Variants in PUDP observed in about 807,000 individuals in gnomAD.
The protein encoded by PUDP is pseudouridine-5'-phosphatase.
A neutral mutation model predicts 9.4 loss-of-function variants in PUDP; 8 were observed. That is an observed-to-expected ratio of 0.85 (90% confidence interval 0.50 to 1.53). The LOEUF (loss-of-function observed/expected upper bound fraction) is 1.53. Among genes scored for constraint, PUDP ranks in the 40% most tolerant of loss-of-function variants. The probability of loss-of-function intolerance (pLI) is 0.00; values close to 1 mark genes in which losing one functional copy is unlikely to be tolerated. For synonymous variants in PUDP, 99 were observed against 80.7 expected (o/e 1.23, Z -1.22); for missense variants, 188 against 189.7 (o/e 0.99, Z 0.05).
chrX:6,838,176 C>T lies in PUDP; in HGVS notation c.*248-131710G>A, dbSNP rs147328815. ...GCTACATACAATATTCTTTCCAGAA[C>T]CTTTTAATTATTTGGAAAGAAAGTG... On this transcript the variant is annotated intron_variant and NMD_transcript_variant, in intron 3 of 3. Transcript: ENST00000655425. Among the ~76,000 whole-genome samples the T allele has an allele frequency of 8.7e-3, 978 of 112,464 alleles. 8 individuals carry two copies. The highest frequency in any genetic ancestry group is 0.028 in the African/African-American group (877 of 30,989).
intron 3 of PUDP, among the ~76,000 whole-genome samples, chrX:6,798,438 C>G (rs984738822): frequency 8.9e-6 from 1 of 111,814 alleles, no homozygotes; most frequent in African/African-American, 3.3e-5. Context: ...AATGCATAAT[C>G]TCTTCCAAAT....
intron 3 of PUDP, among the ~76,000 whole-genome samples, chrX:6,757,206 A>C (rs1176067431): frequency 9.0e-6 from 1 of 111,641 alleles, no homozygotes; most frequent in East Asian, 2.8e-4. Context: ...GAGCCGGATG[A>C]TCCCTGACCC....
chrX:6,867,873 C>T (rs149779968), intron 3 of PUDP, among the ~76,000 whole-genome samples: 27 of 111,377 alleles, frequency 2.4e-4, no homozygotes, highest in African/African-American at 8.2e-4. Context: ...GAACTTCGTG[C>T]AGTATAATTC....
intron 3 of PUDP, among the ~76,000 whole-genome samples, chrX:6,782,994 G>A (rs982352437): frequency 2.7e-5 from 3 of 111,311 alleles, no homozygotes; most frequent in African/African-American, 9.8e-5. Flanking sequence ...AAACCGGAGC[G>A]GCTCCATCTT....
intron 3 of PUDP, among the ~76,000 whole-genome samples, chrX:6,900,486 C>T (rs1927663060): frequency 1.1e-5 from 1 of 92,697 alleles, no homozygotes; most frequent in African/African-American, 3.9e-5. Context: ...TACAAAAGAG[C>T]AAGAAAGTGA....
intron 3 of PUDP, among the ~76,000 whole-genome samples, chrX:7,067,941 C>T (rs1206496460): frequency 4.5e-5 from 5 of 111,485 alleles, no homozygotes; most frequent in African/African-American, 1.6e-4. Context: ...CATAAGCTCT[C>T]TTTTTGCCCA....
intron 1 of PUDP, among the ~76,000 whole-genome samples, chrX:7,144,774 T>C (rs1932831387): frequency 1.8e-5 from 2 of 112,054 alleles, no homozygotes; most frequent in Admixed American, 1.9e-4. Context: ...AATGTTCTTA[T>C]TACCCTTCGC....
chrX:6,840,266 C>G (rs1036521422), intron 3 of PUDP, among the ~76,000 whole-genome samples: 1 of 111,943 alleles, frequency 8.9e-6, no homozygotes, highest in Non-Finnish European at 1.9e-5. Flanking sequence ...TCCCCAGCCA[C>G]GTGGAACTGT....
intron 2 of PUDP, among the ~76,000 whole-genome samples, chrX:7,099,073 G>A (rs749556049): frequency 3.6e-5 from 4 of 112,476 alleles, no homozygotes; most frequent in Non-Finnish European, 7.5e-5. Flanking sequence ...GGAAAGCAGA[G>A]AGCTGGGACA....
At chrX:6,841,075 G>A (rs1160022369) in intron 3 of PUDP, among the ~76,000 whole-genome samples, 1 of 110,598 alleles carries the variant, frequency 9.0e-6, no homozygotes, top group Non-Finnish European at 1.9e-5. Flanking sequence ...TCAGGAGTTC[G>A]AGACCAGCCC....
chrX:6,745,154 A>G (rs1186916953), intron 3 of PUDP, among the ~76,000 whole-genome samples: 1 of 111,995 alleles, frequency 8.9e-6, no homozygotes, highest in African/African-American at 3.2e-5. Flanking sequence ...GAATGGGGCC[A>G]TAAGTACAAA....
At chrX:6,916,818 C>T (rs1927942597) in intron 3 of PUDP, among the ~76,000 whole-genome samples, 1 of 112,339 alleles carries the variant, frequency 8.9e-6, no homozygotes, top group South Asian at 3.7e-4. Flanking sequence ...ATTGAAATAA[C>T]TGTAACATGT....
intron 1 of PUDP, among the ~76,000 whole-genome samples, chrX:7,003,961 G>C (rs1278513983): frequency 9.0e-6 from 1 of 111,121 alleles, no homozygotes; most frequent in African/African-American, 3.3e-5. Flanking sequence ...ATTGCAACCT[G>C]TGCCTCCAGG....
rs897997341 is a variant in PUDP at position 6,948,971 on chromosome X, G to A, written c.*247+28162C>T. Among the ~76,000 whole-genome samples, 4 of 112,152 alleles carry A rather than the reference G, an allele frequency of 3.6e-5. No homozygotes were observed. In the Admixed American group the frequency reaches 3.8e-4, roughly 11 times the overall value. On this transcript the variant is annotated intron_variant and NMD_transcript_variant, in intron 3 of 3. Coordinates refer to the PUDP transcript ENST00000655425. The stretch of plus-strand genomic sequence containing the variant: ...GTGATGAGCTGTGTTCGCAATGGGG[G>A]CACATGATGTTGGTGTTTCCTAAGC...
At chrX:6,725,493 ACTT>A (rs1236492436), upstream of PUDP, among the ~76,000 whole-genome samples, 2 of 111,505 alleles carry the variant, frequency 1.8e-5, no homozygotes, top group African/African-American at 6.5e-5. Context: ...GTGGGATTTG[ACTT>A]CTTGTTTCTG....
At chrX:6,812,831 T>C (rs61584052) in intron 3 of PUDP, among the ~76,000 whole-genome samples, 58,143 of 111,274 alleles carry the variant, frequency 0.52, 12,137 homozygotes, top group African/African-American at 0.8. Flanking sequence ...TGATGACTTA[T>C]GCCTGTAATC....
At chrX:6,752,578 G>C (rs1326314688) in intron 3 of PUDP, among the ~76,000 whole-genome samples, 2 of 111,856 alleles carry the variant, frequency 1.8e-5, no homozygotes, top group African/African-American at 3.3e-5. Flanking sequence ...TGAAGTAAAG[G>C]TGGCACTAAG....
chrX:7,012,149 T>C (rs1929485714), intron 1 of PUDP, among the ~76,000 whole-genome samples: 1 of 112,120 alleles, frequency 8.9e-6, no homozygotes. Context: ...TCTGTCCCTC[T>C]GTGCAAAACC....
At chrX:7,102,317 C>CA (rs201420593) in intron 2 of PUDP, among the ~76,000 whole-genome samples, 1,769 of 56,505 alleles carry the variant, frequency 0.031, 27 homozygotes, top group Non-Finnish European at 0.046. Context: ...AATAAGGAAC[C>CA]AAAAAAAAAA....
Sources: allele counts gnomAD v4.1 joint callset (sites outside exome capture counted in the v4.1 genomes callset), GRCh38; gene constraint gnomAD v4.1.1; transcripts MANE v1.5; gene names NCBI Gene and HGNC (gene_info 2026-07-23, HGNC 2026-07-21).